The following ERBB4 variants were observed in gnomAD, a reference collection of about 807,000 sequenced individuals.
ERBB4 encodes the protein erb-b2 receptor tyrosine kinase 4.
ERBB4 carries 42 observed loss-of-function variants against 158.0 expected under a neutral mutation model. The observed-to-expected ratio is 0.27, with a 90% CI of 0.21 to 0.34. ERBB4 has a LOEUF of 0.34. Among genes scored for constraint, ERBB4 ranks in the 10% least tolerant of loss-of-function variants. The probability of loss-of-function intolerance (pLI) is 1.00; values close to 1 mark genes in which losing one functional copy is unlikely to be tolerated. For synonymous variants in ERBB4, 583 were observed against 558.7 expected, an observed-to-expected ratio of 1.04 and a Z score of -0.61; for missense variants, 1,333 against 1,624.1, an observed-to-expected ratio of 0.82 and a Z score of 3.08.
chr2:211,821,981 C>A (rs148983510), intron 3 of ERBB4, among the ~76,000 whole-genome samples: 10 of 151,830 alleles, frequency 6.6e-5, no homozygotes, highest in African/African-American at 2.2e-4. Flanking sequence ...ATAACACAGG[C>A]AACAACATAA....
chr2:212,161,049 A>G (rs1488936898), intron 1 of ERBB4, among the ~76,000 whole-genome samples: 1 of 152,026 alleles, frequency 6.6e-6, no homozygotes, highest in African/African-American at 2.4e-5. Flanking sequence ...TATCCCATAA[A>G]TATTCATAAA....
chr2:211,826,486 T>C (rs1671896738), intron 3 of ERBB4, among the ~76,000 whole-genome samples: 1 of 151,920 alleles, frequency 6.6e-6, no homozygotes, highest in African/African-American at 2.4e-5. Context: ...TCTTATACTA[T>C]ATTATTTATT....
intron 25 of ERBB4, among the ~76,000 whole-genome samples, chr2:211,399,324 G>A (rs554986755): frequency 1.3e-5 from 2 of 152,204 alleles, no homozygotes; most frequent in South Asian, 4.1e-4. Flanking sequence ...GCACAGACAT[G>A]GTGAATGTTC....
In ERBB4 at chr2:211,842,502, C is replaced by A. The variant is rs574343689; in HGVS notation, c.422-54343G>T. Among the ~76,000 whole-genome samples, 3 of 133,394 alleles carry A rather than the reference C, an allele frequency of 2.2e-5. No individual in the cohort carries two copies. The South Asian group carries it at 7.0e-4, about 31-fold the overall frequency. 87.5% of individuals were successfully genotyped at this position (133,394 alleles called of 152,430 possible). On this transcript the variant is annotated intron_variant, in intron 3 of 27. Coordinates refer to ENST00000342788, the MANE Select transcript of ERBB4 (RefSeq NM_005235.3). ...TGTGACTACAGGTAGTCTCAAATAACACATTTCAATGTACCTATATTGCAA... is the reference window on the plus strand; with the variant it reads ...TGTGACTACAGGTAGTCTCAAATAAAACATTTCAATGTACCTATATTGCAA...
At chr2:211,541,079 T>C (rs1466117437) in intron 20 of ERBB4, among the ~76,000 whole-genome samples, 2 of 151,936 alleles carry the variant, frequency 1.3e-5, no homozygotes, top group Admixed American at 1.3e-4. Flanking sequence ...ACTGTATCAA[T>C]TGCCATTTCC....
At position 212,390,127 on chromosome 2, in the gene ERBB4, T is replaced by C. The variant is rs144991658; in HGVS notation, c.82+148322A>G. On this transcript the variant is annotated intron_variant, in intron 1 of 27. Transcript: ENST00000342788. ...AAAAGCTGAAATGCAAAATCTTAAA[T>C]GACTTATGTAACTGTAAATTAAAAT... Among the ~76,000 whole-genome samples the C allele has an allele frequency of 1.6e-4, 24 of 151,988 alleles. No homozygotes were observed. In the East Asian group the frequency reaches 3.9e-3, roughly 24 times the overall value.
intron 2 of ERBB4, among the ~76,000 whole-genome samples, chr2:212,064,142 G>C (rs184216946): frequency 9.2e-5 from 14 of 152,200 alleles, no homozygotes; most frequent in Admixed American, 7.2e-4. Context: ...AGAAGGAAAG[G>C]AGATTCCAGA....
chr2:212,526,767 G>C (rs956948155), intron 1 of ERBB4, among the ~76,000 whole-genome samples: 1 of 151,904 alleles, frequency 6.6e-6, no homozygotes, highest in African/African-American at 2.4e-5. Flanking sequence ...TTTTTTAAAT[G>C]ACATTAAAAG....
chr2:212,244,207 G>A (rs2084226038), intron 1 of ERBB4, among the ~76,000 whole-genome samples: 1 of 152,062 alleles, frequency 6.6e-6, no homozygotes, highest in African/African-American at 2.4e-5. Context: ...CATTTATGAG[G>A]TATGTGGAAG....
chr2:212,508,121 A>C (rs546858959), intron 1 of ERBB4, among the ~76,000 whole-genome samples: 6 of 152,188 alleles, frequency 3.9e-5, no homozygotes, highest in Non-Finnish European at 8.8e-5. Flanking sequence ...GATTGTTAGC[A>C]TTTTTTAGCA....
At chr2:211,802,342 T>C (rs2076519415) in intron 3 of ERBB4, among the ~76,000 whole-genome samples, 1 of 152,110 alleles carries the variant, frequency 6.6e-6, no homozygotes, top group Non-Finnish European at 1.5e-5. Flanking sequence ...TCAGTTCTAA[T>C]TTCACCATTG....
At chr2:212,146,847 TA>T (rs2080690513) in intron 1 of ERBB4, among the ~76,000 whole-genome samples, 3 of 152,114 alleles carry the variant, frequency 2.0e-5, no homozygotes, top group Non-Finnish European at 4.4e-5. Flanking sequence ...CCCACCCAGT[TA>T]TCCCTTAACA....
chr2:211,646,475 G>T (rs1360737106), intron 16 of ERBB4, among the ~76,000 whole-genome samples: 1 of 151,448 alleles, frequency 6.6e-6, no homozygotes, highest in East Asian at 1.9e-4. Context: ...GATAAATTTA[G>T]TTACATAAGT....
At chr2:211,694,703 T>C (rs1053211289) in intron 12 of ERBB4, among the ~76,000 whole-genome samples, 3 of 152,142 alleles carry the variant, frequency 2.0e-5, no homozygotes, top group African/African-American at 7.2e-5. Flanking sequence ...GTTACACACT[T>C]TATGGTTCAT....
intron 2 of ERBB4, chr2:212,124,450 C>CATTAAAAAA: frequency 2.6e-6 from 1 of 388,256 alleles, no homozygotes; most frequent in South Asian, 2.4e-5. Context: ...TCCTCTGACT[C>CATTAAAAAA]TCCTAGTTCA....
At chr2:211,884,821 A>G (rs1442158357) in intron 3 of ERBB4, among the ~76,000 whole-genome samples, 2 of 152,360 alleles carry the variant, frequency 1.3e-5, no homozygotes, top group East Asian at 3.9e-4. Flanking sequence ...AAAATTAACC[A>G]TAACATTGTA....
intron 2 of ERBB4, among the ~76,000 whole-genome samples, chr2:211,984,189 T>C (rs891147524): frequency 6.6e-6 from 1 of 152,078 alleles, no homozygotes; most frequent in African/African-American, 2.4e-5. Context: ...GGAAGGGTAA[T>C]GAGAGCCCTT....
chr2:211,902,249 T>C (rs2079256649), intron 3 of ERBB4, among the ~76,000 whole-genome samples: 1 of 152,168 alleles, frequency 6.6e-6, no homozygotes, highest in Admixed American at 6.6e-5. Context: ...ATGACATTTT[T>C]ATTAAATTAT....
chr2:212,472,363 TG>T (rs1268676018), intron 1 of ERBB4, among the ~76,000 whole-genome samples: 1 of 151,830 alleles, frequency 6.6e-6, no homozygotes, highest in Non-Finnish European at 1.5e-5. Flanking sequence ...GTAAATAAAT[TG>T]CCCCCAATTG....
Sources: gnomAD v4.1 joint callset for allele counts (sites outside exome capture counted in the v4.1 genomes callset) on GRCh38, gnomAD v4.1.1 for gene constraint, MANE v1.5 for transcripts, NCBI Gene and HGNC (gene_info 2026-07-23, HGNC 2026-07-21) for gene names.